The following SLC2A13 variants were observed in gnomAD, a reference collection of about 807,000 sequenced individuals.
SLC2A13 encodes solute carrier family 2 member 13, also known as proton myo-inositol cotransporter.
SLC2A13 carries 32 observed loss-of-function variants against 64.4 expected under a neutral mutation model. The observed-to-expected ratio is 0.50, with a 90% confidence interval of 0.37 to 0.67. SLC2A13 has a LOEUF of 0.67. Among genes scored for constraint, SLC2A13 ranks in the 30% least tolerant of loss-of-function variants. The pLI, the probability that SLC2A13 is intolerant of heterozygous loss-of-function variation, is 0.00. For synonymous variants in SLC2A13, 338 were observed against 327.1 expected (o/e 1.03, Z -0.36); for missense variants, 743 against 829.2 (o/e 0.90, Z 1.28).
At chr12:39,764,633 A>AGTTTTT in intron 8 of SLC2A13, 21 bp from the exon 9 acceptor site, 1 of 1,579,968 alleles carries the variant, frequency 6.3e-7, no homozygotes. Flanking sequence ...AAACATTAAA[A>AGTTTTT]ACTTTAGTAA....
chr12:39,970,436 T>C (rs565202082), intron 3 of SLC2A13, among the ~76,000 whole-genome samples: 3 of 152,258 alleles, frequency 2.0e-5, no homozygotes, highest in Non-Finnish European at 4.4e-5. Flanking sequence ...TCGCATTTCA[T>C]ATCCTTAGAT....
At chr12:39,873,146 C>T (rs1944097989) in intron 4 of SLC2A13, among the ~76,000 whole-genome samples, 1 of 152,042 alleles carries the variant, frequency 6.6e-6, no homozygotes. Context: ...AAAGTGTTTT[C>T]CTTTTTTAAA....
At chr12:39,766,019 T>C (rs1940338353) in intron 7 of SLC2A13, among the ~76,000 whole-genome samples, 1 of 152,086 alleles carries the variant, frequency 6.6e-6, no homozygotes, top group Non-Finnish European at 1.5e-5. Context: ...GCCTCATAGT[T>C]CCTTATTTAA....
At chr12:39,835,420 G>A (rs969518812) in intron 6 of SLC2A13, among the ~76,000 whole-genome samples, 3 of 151,960 alleles carry the variant, frequency 2.0e-5, no homozygotes, top group Admixed American at 6.6e-5. Context: ...AGAAATTATA[G>A]GTATGCTCTA....
At chr12:40,040,538 G>T (rs1948068570) in intron 2 of SLC2A13, among the ~76,000 whole-genome samples, 1 of 152,070 alleles carries the variant, frequency 6.6e-6, no homozygotes, top group African/African-American at 2.4e-5. Context: ...TTACAGGCAT[G>T]TGCCACTATA....
chr12:40,077,438 C>T (rs1412804968), intron 1 of SLC2A13, among the ~76,000 whole-genome samples: 2 of 152,048 alleles, frequency 1.3e-5, no homozygotes, highest in Non-Finnish European at 2.9e-5. Context: ...TTATTGTCGA[C>T]TTTGTCAAAG....
chr12:39,780,462 C>CA (rs1265130636), intron 7 of SLC2A13, among the ~76,000 whole-genome samples: 4 of 152,068 alleles, frequency 2.6e-5, no homozygotes, highest in Admixed American at 2.6e-4. Context: ...AAATATCATC[C>CA]AAAAATGAGT....
At chr12:39,939,732 A>T (rs1945986015) in intron 4 of SLC2A13, among the ~76,000 whole-genome samples, 1 of 152,230 alleles carries the variant, frequency 6.6e-6, no homozygotes, top group African/African-American at 2.4e-5. Context: ...TATTCCAAAA[A>T]TTTTGTTGAA....
chr12:39,977,741 C>A (rs930891757), intron 3 of SLC2A13, among the ~76,000 whole-genome samples: 14 of 152,274 alleles, frequency 9.2e-5, no homozygotes, highest in Admixed American at 2.0e-4. Context: ...TGGCAGTAAT[C>A]CAGAGGCAAG....
At chr12:40,005,543 G>C (rs1419288560) in intron 3 of SLC2A13, among the ~76,000 whole-genome samples, 2 of 152,148 alleles carry the variant, frequency 1.3e-5, no homozygotes, top group Non-Finnish European at 2.9e-5. Flanking sequence ...ATCTGAAGTG[G>C]TTCTCAAAGG....
At chr12:39,903,285 C>T (rs1222803388) in intron 4 of SLC2A13, among the ~76,000 whole-genome samples, 2 of 152,078 alleles carry the variant, frequency 1.3e-5, no homozygotes, top group African/African-American at 2.4e-5. Context: ...GTATGGGGTA[C>T]TTTAATCAAA....
chr12:40,038,546 A>G (rs1267744687), intron 2 of SLC2A13, among the ~76,000 whole-genome samples: 5 of 151,976 alleles, frequency 3.3e-5, no homozygotes, highest in Non-Finnish European at 7.4e-5. Flanking sequence ...CCTGGGCAAC[A>G]TGGTAAAACC....
intron 1 of SLC2A13, among the ~76,000 whole-genome samples, chr12:40,101,819 GTTGT>G (rs200475678): frequency 0.048 from 7,228 of 151,294 alleles, 219 homozygotes; most frequent in Middle Eastern, 0.072. Flanking sequence ...AAGACTCAAG[GTTGT>G]TTGTTTTTTT....
intron 6 of SLC2A13, among the ~76,000 whole-genome samples, chr12:39,844,719 G>A (rs1008973303): frequency 3.9e-5 from 6 of 151,984 alleles, no homozygotes; most frequent in African/African-American, 1.4e-4. Flanking sequence ...AGCAAGTGGG[G>A]TCTCTACTCA....
intron 6 of SLC2A13, among the ~76,000 whole-genome samples, chr12:39,858,280 A>G (rs997877503): frequency 1.3e-5 from 2 of 152,172 alleles, no homozygotes; most frequent in Non-Finnish European, 2.9e-5. Context: ...TTTCCTTTTT[A>G]ATTGACTTAT....
At chr12:40,067,516 GTTAATA>G (rs548105018) in intron 1 of SLC2A13, among the ~76,000 whole-genome samples, 54 of 133,612 alleles carry the variant, frequency 4.0e-4, no homozygotes, top group Non-Finnish European at 7.1e-4. Flanking sequence ...AATAAACATG[GTTAATA>G]TTGTTTCCAA....
chr12:40,006,204 A>G lies in SLC2A13; in HGVS notation c.925+22097T>C, dbSNP rs1947415905. On this transcript the variant is annotated intron_variant, in intron 3 of 9. Transcript: ENST00000280871. The stretch of plus-strand genomic sequence containing the variant: ...AAATGTTTACAGGAGCTCACTGGGA[A>G]AACATAAGAATACAATATTATTTTT... Among the ~76,000 whole-genome samples, 4 of 152,354 alleles carry G rather than the reference A, an allele frequency of 2.6e-5. No individual in the cohort carries two copies. In the South Asian group the frequency reaches 8.3e-4, roughly 32 times the overall value.
chr12:39,767,816 A>G (rs1940416284), intron 7 of SLC2A13, among the ~76,000 whole-genome samples: 1 of 152,064 alleles, frequency 6.6e-6, no homozygotes, highest in Non-Finnish European at 1.5e-5. Context: ...TGAAGGTTTT[A>G]TAATGGGCTT....
At chr12:39,854,401 C>T (rs1943550136) in intron 6 of SLC2A13, among the ~76,000 whole-genome samples, 1 of 152,200 alleles carries the variant, frequency 6.6e-6, no homozygotes. Context: ...TATGCCCCCT[C>T]CATCCTGCTA....
Sources: allele counts gnomAD v4.1 joint callset (sites outside exome capture counted in the v4.1 genomes callset), GRCh38; gene constraint gnomAD v4.1.1; transcripts MANE v1.5; gene names NCBI Gene and HGNC (gene_info 2026-07-23, HGNC 2026-07-21).